PIEZO1: variants seen among roughly 807,000 people sequenced by gnomAD.
PIEZO1 encodes the protein piezo-type mechanosensitive ion channel component 1.
PIEZO1 carries 296 observed loss-of-function variants against 297.2 expected under a neutral mutation model. The observed-to-expected ratio is 1.00, with a 90% CI of 0.91 to 1.10. The LOEUF is 1.10. Ranked by LOEUF, PIEZO1 falls within the 50% of genes least tolerant of loss-of-function variation. The probability of loss-of-function intolerance (pLI) is 0.00; values close to 1 mark genes in which losing one functional copy is unlikely to be tolerated. For missense variants in PIEZO1, 5,018 were observed against 3,455.5 expected, an observed-to-expected ratio of 1.45 and a Z score of -11.34; for synonymous variants, 2,427 against 1,507.5, an observed-to-expected ratio of 1.61 and a Z score of -14.13.
rs896662340 is a variant in PIEZO1 at position 88,726,250 on chromosome 16, G to A, written c.3968+34C>T. On this transcript the variant is annotated intron_variant, in intron 27 of 50. Coordinates refer to ENST00000301015, the MANE Select transcript of PIEZO1 (RefSeq NM_001142864.4). ...CATTGCCCCCTCCCAGCCCCAAGACGGGAGCTCTGGGCTGTGTCTGGGCCC... is the reference window on the plus strand; with the variant it reads ...CATTGCCCCCTCCCAGCCCCAAGACAGGAGCTCTGGGCTGTGTCTGGGCCC... The A allele has an allele frequency of 2.0e-5, 30 of 1,513,888 alleles. No individual in the cohort carries two copies. The South Asian group carries it at 2.2e-4, about 11-fold the overall frequency. 93.8% of individuals were successfully genotyped at this position (1,513,888 alleles called of 1,614,324 possible). A position where few individuals can be genotyped will look rare whatever the true frequency, so the allele number is the denominator to read the frequency against.
chr16:88,753,781 G>C lies in PIEZO1; in HGVS notation c.65-4302C>G, dbSNP rs191339740. Among the ~76,000 whole-genome samples, 1,193 of 152,376 alleles carry C rather than the reference G, an allele frequency of 7.8e-3. 12 individuals carry two copies. The highest frequency in any genetic ancestry group is 0.031 in the Middle Eastern group (9 of 294). On this transcript the variant is annotated intron_variant, in intron 1 of 50. Transcript: ENST00000301015. ...GCTGTGACTTTGTGGGCTAAAGCCA[G>C]AGGGGGAGACTTCAGAGCAGGCTGC... is the stretch of plus-strand genomic sequence containing the variant.
At chr16:88,768,132 C>T (rs923015403) in intron 1 of PIEZO1, among the ~76,000 whole-genome samples, 2 of 150,972 alleles carry the variant, frequency 1.3e-5, no homozygotes, top group Non-Finnish European at 2.9e-5. Flanking sequence ...GGGCCCAGGG[C>T]CCAGCCAACC....
Position 88,727,168 on chromosome 16 carries a change from G to T in PIEZO1, c.3326C>A (p.Ala1109Asp). 1 of 1,545,040 alleles carries T rather than the reference G, an allele frequency of 6.5e-7. No individual in the cohort carries two copies. Among genetic ancestry groups the T allele is most frequent in the Non-Finnish European group, 8.7e-7 (1 of 1,143,566 alleles). ...TGAGAACACCTGCCACTGCTGGGAG[G>T]CGCACAGCAGCAGGAGAAAGTCGCC... ...LISDFLLLLC[A>D]SQQWQVFSAE... Residue 1109 changes from alanine (A) to aspartate (D), a missense_variant, in exon 24 of 51, where the codon GCC becomes GAC. Ala to Asp is a moderately radical substitution (Grantham distance 126, BLOSUM62 -2). Coordinates refer to ENST00000301015, the MANE Select transcript of PIEZO1 (RefSeq NM_001142864.4).
chr16:88,777,634 T>C lies in PIEZO1; in HGVS notation c.64+7267A>G, dbSNP rs574599475. On this transcript the variant is annotated intron_variant, in intron 1 of 50. Coordinates refer to ENST00000301015, the MANE Select transcript of PIEZO1 (RefSeq NM_001142864.4). ...AAAACTCCCTTTCATGTTGCTTTAA[T>C]GATGTGTCGTTTTAAACGGTACTTT... Among the ~76,000 whole-genome samples, 3 of 152,360 alleles carry C rather than the reference T, an allele frequency of 2.0e-5. No individual in the cohort carries two copies. In the East Asian group the frequency reaches 5.8e-4, roughly 29 times the overall value.
chr16:88,732,021 G>A lies in PIEZO1; in HGVS notation c.2992-111C>T, dbSNP rs188605848. 54 of 52,904 alleles carry A rather than the reference G, an allele frequency of 1.0e-3. 1 individual carries two copies. The highest frequency in any genetic ancestry group is 8.9e-3 in the Admixed American group (23 of 2,598). 3.3% of individuals were successfully genotyped at this position (52,904 alleles called of 1,614,324 possible). A position where few individuals can be genotyped will look rare whatever the true frequency, so the allele number is the denominator to read the frequency against. On this transcript the variant is annotated intron_variant, in intron 21 of 50. Transcript: ENST00000301015. ...GCAGCAGCCCTGCCTGGAGGCTGCGGGCATCAAGCAAGGACAGGGCCAGCG... is the reference window on the plus strand; with the variant it reads ...GCAGCAGCCCTGCCTGGAGGCTGCGAGCATCAAGCAAGGACAGGGCCAGCG...
chr16:88,737,339 C>T (rs1905288311), intron 10 of PIEZO1: 1 of 529,712 alleles, frequency 1.9e-6, no homozygotes, highest in Non-Finnish European at 3.4e-6. Flanking sequence ...ACTCAGCTGC[C>T]CTGGGGGTCT....
chr16:88,765,928 C>T (rs1334127594), intron 1 of PIEZO1, among the ~76,000 whole-genome samples: 1 of 152,264 alleles, frequency 6.6e-6, no homozygotes, highest in East Asian at 1.9e-4. Context: ...CCCACCCAGG[C>T]CTCCCAAGGT....
chr16:88,726,474 C>T lies in PIEZO1; in HGVS notation c.3797-19G>A, dbSNP rs1304474984. ...TCCTTGGCTGCAAGGCAGGCACCGG[C>T]AAGGGTCAGGCCCAGGGCCCAGGAG... On this transcript the variant is annotated intron_variant, in intron 26 of 50. Transcript: ENST00000301015. The T allele has an allele frequency of 6.5e-7, 1 of 1,548,918 alleles. No homozygotes were observed. The highest frequency in any genetic ancestry group is 1.2e-5 in the South Asian group (1 of 83,986).
intron 1 of PIEZO1, among the ~76,000 whole-genome samples, chr16:88,770,943 C>G (rs866304525): frequency 1.5e-4 from 23 of 152,340 alleles, no homozygotes; most frequent in African/African-American, 5.0e-4. Context: ...GACTCCCTGC[C>G]GTCACATGCC....
In PIEZO1 at chr16:88,725,002, G is replaced by C; in HGVS notation, c.4234+7C>G. On this transcript the variant is annotated splice_region_variant and intron_variant, in intron 30 of 50. Coordinates refer to ENST00000301015, the MANE Select transcript of PIEZO1 (RefSeq NM_001142864.4). ...AGGGTGGCCACAGGCGGCCTAATTG[G>C]GGGTACCTGTGGCGTGGTCCAGCCA... is the stretch of plus-strand genomic sequence containing the variant. The C allele has an allele frequency of 1.4e-6, 2 of 1,467,410 alleles. No individual in the cohort carries two copies. Among genetic ancestry groups the C allele is most frequent in the Non-Finnish European group, 1.8e-6 (2 of 1,108,502 alleles). The allele number at this position is 1,467,410 out of a possible 1,614,324, so 90.9% of individuals were successfully genotyped here.
chr16:88,727,326 G>C, intron 23 of PIEZO1, 134 bp from the exon 24 acceptor site: 1 of 1,051,380 alleles, frequency 9.5e-7, no homozygotes. Flanking sequence ...GCCTGGGTGA[G>C]TGGCCGGGTG....
At chr16:88,784,489 C>CTT (rs113478686) in intron 1 of PIEZO1, among the ~76,000 whole-genome samples, 2 of 149,304 alleles carry the variant, frequency 1.3e-5, no homozygotes, top group South Asian at 2.1e-4. Flanking sequence ...CAACTTTGCG[C>CTT]TTTTTTTTTT....
chr16:88,744,706 G>T (rs4782404), intron 2 of PIEZO1, among the ~76,000 whole-genome samples: 1 of 150,508 alleles, frequency 6.6e-6, no homozygotes, highest in Non-Finnish European at 1.5e-5. Context: ...AGAGTGTCCT[G>T]GTCTGGCCAT....
At chr16:88,722,758 G>A in intron 34 of PIEZO1, 69 bp from the exon 35 acceptor site, 5 of 1,527,494 alleles carry the variant, frequency 3.3e-6, no homozygotes, top group Non-Finnish European at 4.4e-6. Flanking sequence ...TCGTGCAGTG[G>A]GCGCGGGACT....
At position 88,725,698 on chromosome 16, in the gene PIEZO1, G is replaced by C; in HGVS notation, c.3969-14C>G. On this transcript the variant is annotated splice_polypyrimidine_tract_variant and intron_variant, in intron 27 of 50. Transcript: ENST00000301015. ...AGGGCGAAGCCCCTGTAGGGAGGCG[G>C]GGATGGGGTGTGAGCACCAGGCACT... 1 of 1,405,570 alleles carries C rather than the reference G, an allele frequency of 7.1e-7. No individual in the cohort carries two copies. Among genetic ancestry groups the C allele is most frequent in the Non-Finnish European group, 9.8e-7 (1 of 1,015,392 alleles). 87.1% of individuals were successfully genotyped at this position (1,405,570 alleles called of 1,614,324 possible).
intron 1 of PIEZO1, among the ~76,000 whole-genome samples, chr16:88,783,574 T>A (rs557617959): frequency 6.6e-6 from 1 of 152,294 alleles, no homozygotes; most frequent in East Asian, 1.9e-4. Flanking sequence ...ACTCTGCCTC[T>A]GTGCCAGGCT....
rs1248880665 is a variant in PIEZO1, at chr16:88,733,426, A to G, written c.2516T>C (p.Val839Ala). Residue 839 changes from valine to alanine, a missense_variant, in exon 19 of 51, where the codon GTG becomes GCG. Transcript: ENST00000301015. ...GTAGGGCAGGGCGAAGGCCCACAGC[A>G]CCACCAGCAGCAGGTTCATCACCGA... is the stretch of plus-strand genomic sequence containing the variant. Reference protein sequence around the residue: ...EVSVMNLLLVVLWAFALPYPR... With the variant: ...EVSVMNLLLVALWAFALPYPR... The G allele has an allele frequency of 1.9e-6, 3 of 1,549,406 alleles. No homozygotes were observed. Among genetic ancestry groups the G allele is most frequent in the African/African-American group, 1.4e-5 (1 of 73,018 alleles).
rs745548042 is a variant in PIEZO1 at position 88,749,491 on chromosome 16, T to C, written c.65-12A>G. 1.1e-4 allele frequency: 161 copies of C among 1,523,106 alleles called. No individual in the cohort carries two copies. The highest frequency in any genetic ancestry group is 1.3e-4 in the Non-Finnish European group (143 of 1,140,836). The allele number at this position is 1,523,106 out of a possible 1,614,324, so 94.3% of individuals were successfully genotyped here. A position where few individuals can be genotyped will look rare whatever the true frequency, so the allele number is the denominator to read the frequency against. ...GCGGAGCAGGCAGGCTGCGGGGAGATGGGCGTTAACTAGGTCGCCAACAGA... is the reference window on the plus strand; with the variant it reads ...GCGGAGCAGGCAGGCTGCGGGGAGACGGGCGTTAACTAGGTCGCCAACAGA... On this transcript the variant is annotated splice_polypyrimidine_tract_variant and intron_variant, in intron 1 of 50. Coordinates refer to ENST00000301015, the MANE Select transcript of PIEZO1 (RefSeq NM_001142864.4).
intron 1 of PIEZO1, among the ~76,000 whole-genome samples, chr16:88,761,168 G>T (rs150738354): frequency 2.0e-5 from 3 of 152,188 alleles, no homozygotes; most frequent in African/African-American, 7.2e-5. Context: ...GGGTGGGACT[G>T]GGGGAACTGT....
Sources: allele counts gnomAD v4.1 joint callset (sites outside exome capture counted in the v4.1 genomes callset), GRCh38; gene constraint gnomAD v4.1.1; transcripts MANE v1.5; gene names NCBI Gene and HGNC (gene_info 2026-07-23, HGNC 2026-07-21).